LMAN2: variants seen among roughly 807,000 people sequenced by gnomAD.
LMAN2 encodes vesicular integral-membrane protein VIP36.
A neutral mutation model predicts 39.3 loss-of-function variants in LMAN2; 22 were observed. The observed-to-expected ratio is 0.56, with a 90% CI of 0.40 to 0.80. The LOEUF (loss-of-function observed/expected upper bound fraction) is 0.80, where lower values mean the gene tolerates loss of function less well. LMAN2 is among the 30% of genes least tolerant of loss of function. LMAN2 has a pLI of 0.00. For missense variants in LMAN2, 494 were observed against 505.4 expected, an observed-to-expected ratio of 0.98 and a Z score of 0.22; for synonymous variants, 207 against 207.8, an observed-to-expected ratio of 1.00 and a Z score of 0.03.
chr5:177,350,534 G>C (rs887213791), intron 2 of LMAN2, among the ~76,000 whole-genome samples: 1 of 152,186 alleles, frequency 6.6e-6, no homozygotes, highest in Non-Finnish European at 1.5e-5. Flanking sequence ...CTGATGACAA[G>C]ACCCTCAACC....
At chr5:177,333,761 G>A (rs1761427744) in intron 7 of LMAN2, among the ~76,000 whole-genome samples, 1 of 152,268 alleles carries the variant, frequency 6.6e-6, no homozygotes, top group Non-Finnish European at 1.5e-5. Flanking sequence ...GCCATGGGAA[G>A]AACCCAGGCT....
Position 177,337,266 on chromosome 5 carries a change from C to T in LMAN2, c.676-16G>A, listed in dbSNP as rs753965348. The T allele has an allele frequency of 1.3e-5, 21 of 1,613,480 alleles. No individual in the cohort carries two copies. The highest frequency in any genetic ancestry group is 6.7e-5 in the African/African-American group (5 of 74,942). On this transcript the variant is annotated splice_polypyrimidine_tract_variant and intron_variant, in intron 5 of 7. Coordinates refer to ENST00000303127, the MANE Select transcript of LMAN2 (RefSeq NM_006816.3). The surrounding 1 kb of genome is among the most constrained non-coding windows in gnomAD (Gnocchi z 8.2). ...CGGTCATCACCTGCAGGGCCCAGCACGCTAAGCACCTCGCAGGACAGCAGC... is the reference window on the plus strand; with the variant it reads ...CGGTCATCACCTGCAGGGCCCAGCATGCTAAGCACCTCGCAGGACAGCAGC...
At chr5:177,351,057 G>A (rs1367259610) in intron 2 of LMAN2, 116 bp downstream of exon 2, 4 of 874,320 alleles carry the variant, frequency 4.6e-6, no homozygotes, top group Admixed American at 1.7e-5. Flanking sequence ...CCGAGATGAG[G>A]AAAAGGCCAG....
chr5:177,350,256 G>A (rs1434519183), intron 2 of LMAN2, among the ~76,000 whole-genome samples: 2 of 152,202 alleles, frequency 1.3e-5, no homozygotes, highest in African/African-American at 2.4e-5. Flanking sequence ...CAGAGAGCAG[G>A]GTGATGGAGA....
chr5:177,344,515 C>G (rs967014399), intron 2 of LMAN2, among the ~76,000 whole-genome samples: 1 of 150,834 alleles, frequency 6.6e-6, no homozygotes, highest in Non-Finnish European at 1.5e-5. Context: ...CTCCTGACCT[C>G]GTGATCCACC....
rs1284825049 is a variant in LMAN2, at chr5:177,351,636, T to G, written c.12A>C (p.Glu4Asp). The change falls in exon 1 of 8, where the codon GAA (glutamate) becomes GAC (aspartate). Residue 4 changes from glutamate (E) to aspartate (D), a missense_variant. Physicochemically the swap from Glu to Asp is conservative, Grantham distance 45. Coordinates refer to ENST00000303127, the MANE Select transcript of LMAN2 (RefSeq NM_006816.3). MAA[E>D]GWIWRWGWGR... is the part of the protein sequence containing the mutation. ...CCCAGCCCCAACGCCAAATCCAGCC[T>G]TCCGCCGCCATTCTCCTCTCCTCTC... 1 of 1,592,374 alleles carries G rather than the reference T, an allele frequency of 6.3e-7. No homozygotes were observed. The highest frequency in any genetic ancestry group is 8.5e-7 in the Non-Finnish European group (1 of 1,171,818).
At chr5:177,333,899 C>T (rs1761429654) in intron 7 of LMAN2, among the ~76,000 whole-genome samples, 2 of 152,244 alleles carry the variant, frequency 1.3e-5, no homozygotes, top group African/African-American at 4.8e-5. Context: ...GGCCAACATA[C>T]CCAGCCCCCT....
intron 2 of LMAN2, among the ~76,000 whole-genome samples, chr5:177,348,633 A>C (rs1761673363): frequency 7.1e-6 from 1 of 140,590 alleles, no homozygotes; most frequent in Admixed American, 7.5e-5. Flanking sequence ...GGTTGCAGTG[A>C]GCTGAGATCG....
Position 177,334,401 on chromosome 5 carries a change from T to C in LMAN2, c.793A>G (p.Asn265Asp). The C allele has an allele frequency of 1.2e-6, 2 of 1,612,620 alleles. No homozygotes were observed. Among genetic ancestry groups the C allele is most frequent in the Non-Finnish European group, 1.7e-6 (2 of 1,179,720 alleles). The change falls in exon 7 of 8, where the codon AAT (asparagine) becomes GAT (aspartate). Residue 265 changes from asparagine to aspartate, a missense_variant and splice_region_variant. Physicochemically the swap from Asn to Asp is conservative, Grantham distance 23. Coordinates refer to ENST00000303127, the MANE Select transcript of LMAN2 (RefSeq NM_006816.3). ...ASAGTGDLSD[N>D]HDIISMKLFQ... Reference sequence around the variant, plus strand: ...AGCTTCATGGAGATGATGTCATGATTGTCTGCAGGACCAAGAATAAACCTG... The same window carrying C: ...AGCTTCATGGAGATGATGTCATGATCGTCTGCAGGACCAAGAATAAACCTG...
rs368470169 is a variant in LMAN2 at position 177,343,564 on chromosome 5, G to GACACACACACACAC, written c.316-4973_316-4960dup. On this transcript the variant is annotated intron_variant, in intron 2 of 7. Coordinates refer to ENST00000303127, the MANE Select transcript of LMAN2 (RefSeq NM_006816.3). ...AGATGAATACACGGAATGTGGTCTA[G>GACACACACACACAC]ACACACACACACACACACACACACA... 4.7e-5 allele frequency among the ~76,000 whole-genome samples: 4 copies of GACACACACACACAC among 84,686 alleles called. No individual in the cohort carries two copies. In the Middle Eastern group the frequency reaches 0.017, roughly 369 times the overall value. 55.6% of individuals were successfully genotyped at this position (84,686 alleles called of 152,430 possible).
At position 177,337,893 on chromosome 5, in the gene LMAN2, AC is replaced by A. The variant is rs1200716054; in HGVS notation, c.434-109del. Reference sequence around the variant, plus strand: ...GGGTGGGGGCAAGAGAGCCCAACCCACTGGCCATTCACCGAGAGAGAAGGGA... The same window carrying A: ...GGGTGGGGGCAAGAGAGCCCAACCCATGGCCATTCACCGAGAGAGAAGGGA... On this transcript the variant is annotated intron_variant, in intron 3 of 7. Transcript: ENST00000303127. The surrounding 1 kb of genome is among the most constrained non-coding windows in gnomAD (Gnocchi z 8.2). The A allele has an allele frequency of 5.7e-6, 5 of 880,564 alleles. No homozygotes were observed. The highest frequency in any genetic ancestry group is 1.7e-5 in the African/African-American group (1 of 59,876). 54.5% of individuals were successfully genotyped at this position (880,564 alleles called of 1,614,324 possible). A position where few individuals can be genotyped will look rare whatever the true frequency, so the allele number is the denominator to read the frequency against.
At chr5:177,347,443 G>A (rs966686898) in intron 2 of LMAN2, among the ~76,000 whole-genome samples, 6 of 152,182 alleles carry the variant, frequency 3.9e-5, no homozygotes, top group African/African-American at 1.2e-4. Context: ...CAGATTAGTA[G>A]AGACATACTA....
At chr5:177,347,216 C>T (rs948568674) in intron 2 of LMAN2, among the ~76,000 whole-genome samples, 18 of 152,068 alleles carry the variant, frequency 1.2e-4, no homozygotes, top group Non-Finnish European at 2.6e-4. Context: ...GGGGACAACA[C>T]CCTGAAGAAA....
Position 177,334,361 on chromosome 5 carries a change from A to G in LMAN2, c.833T>C (p.Val278Ala), listed in dbSNP as rs200209158. Reference sequence around the variant, plus strand: ...GCTCTCCTCGTCGGGCGTGTGCTCCACCATCAGCTGGAACAGCTTCATGGA... The same window carrying G: ...GCTCTCCTCGTCGGGCGTGTGCTCCGCCATCAGCTGGAACAGCTTCATGGA... ...IISMKLFQLM[V>A]EHTPDEESID... is the part of the protein sequence containing the mutation. Residue 278 changes from valine to alanine, a missense_variant, in exon 7 of 8, where the codon GTG becomes GCG. Physicochemically the swap from Val to Ala is moderately conservative, Grantham distance 64. Coordinates refer to ENST00000303127, the MANE Select transcript of LMAN2 (RefSeq NM_006816.3). 13 of 1,613,612 alleles carry G rather than the reference A, an allele frequency of 8.1e-6. No individual in the cohort carries two copies. The highest frequency in any genetic ancestry group is 1.1e-5 in the Non-Finnish European group (13 of 1,180,022).
intron 2 of LMAN2, among the ~76,000 whole-genome samples, chr5:177,344,835 G>A (rs553869732): frequency 2.0e-5 from 3 of 151,688 alleles, no homozygotes; most frequent in African/African-American, 7.2e-5. Context: ...GAACCCGGGA[G>A]GCAGAGGTTG....
intron 2 of LMAN2, among the ~76,000 whole-genome samples, chr5:177,348,592 G>A (rs1158369440): frequency 1.3e-5 from 2 of 150,762 alleles, no homozygotes; most frequent in South Asian, 2.1e-4. Context: ...GGAGGCTGAG[G>A]CAGAAGAATC....
chr5:177,345,736 CATTTATTTATTTATTTATTT>C lies in LMAN2; in HGVS notation c.315+5417_315+5436del, dbSNP rs752212044. Among the ~76,000 whole-genome samples the C allele has an allele frequency of 2.6e-3, 348 of 135,552 alleles. 2 individuals carry two copies. Among genetic ancestry groups the C allele is most frequent in the African/African-American group, 9.0e-3 (328 of 36,488 alleles). 88.9% of individuals were successfully genotyped at this position (135,552 alleles called of 152,430 possible). A position where few individuals can be genotyped will look rare whatever the true frequency, so the allele number is the denominator to read the frequency against. ...GAAGGCTCGCAGCAGCCATGGCATG[CATTTATTTATTTATTTATTT>C]ATTTATTTATTTATTTATTTATTTA... On this transcript the variant is annotated intron_variant, in intron 2 of 7. Coordinates refer to ENST00000303127, the MANE Select transcript of LMAN2 (RefSeq NM_006816.3).
chr5:177,350,281 G>C (rs2127320527), intron 2 of LMAN2, among the ~76,000 whole-genome samples: 1 of 152,270 alleles, frequency 6.6e-6, no homozygotes, highest in Middle Eastern at 3.4e-3. Context: ...TAGAACACTG[G>C]CCAACAGCTT....
intron 2 of LMAN2, among the ~76,000 whole-genome samples, chr5:177,345,730 G>GGCATGCAT (rs66519844): frequency 7.0e-6 from 1 of 143,128 alleles, no homozygotes; most frequent in African/African-American, 2.5e-5. Context: ...CAGCAGCCAT[G>GGCATGCAT]GCATGCATTT....
Sources: gnomAD v4.1 joint callset for allele counts (sites outside exome capture counted in the v4.1 genomes callset) on GRCh38, gnomAD v4.1.1 for gene constraint, Gnocchi (gnomAD v3.1) non-coding constraint, MANE v1.5 for transcripts, NCBI Gene and HGNC (gene_info 2026-07-23, HGNC 2026-07-21) for gene names.